PIP4K2A: variants seen among roughly 807,000 people sequenced by gnomAD.
PIP4K2A encodes the protein phosphatidylinositol-5-phosphate 4-kinase type 2 alpha.
A neutral mutation model predicts 42.9 loss-of-function variants in PIP4K2A; 14 were observed. The ratio of observed to expected loss-of-function variants is 0.33; its 90% CI spans 0.22 to 0.51. The LOEUF is 0.51. Ranked by LOEUF, PIP4K2A falls within the 20% of genes least tolerant of loss-of-function variation. PIP4K2A has a pLI of 0.97. For missense variants in PIP4K2A, 434 were observed against 519.8 expected (o/e 0.83, Z 1.61); for synonymous variants, 192 against 192.2 (o/e 1.00, Z 0.01).
In PIP4K2A at chr10:22,681,767, A is replaced by ATT. The variant is rs1839666768; in HGVS notation, c.144+32414_144+32415dup. ...ACTCCTAATTTCAGCTACCAGCAAT[A>ATT]TTTTACTGTAGCAGAAACTGACTAA... On this transcript the variant is annotated intron_variant, in intron 1 of 9. Transcript: ENST00000376573. Among the ~76,000 whole-genome samples, 3 of 152,072 alleles carry ATT rather than the reference A, an allele frequency of 2.0e-5. No individual in the cohort carries two copies. In the South Asian group the frequency reaches 6.2e-4, roughly 31 times the overall value.
At chr10:22,543,247 C>T (rs1836173681) in intron 7 of PIP4K2A, among the ~76,000 whole-genome samples, 1 of 152,196 alleles carries the variant, frequency 6.6e-6, no homozygotes, top group South Asian at 2.1e-4. Context: ...TCCCACTCTC[C>T]AGCTGGTTCC....
intron 1 of PIP4K2A, among the ~76,000 whole-genome samples, chr10:22,652,688 AC>A (rs1360016845): frequency 6.6e-6 from 1 of 152,206 alleles, no homozygotes; most frequent in Non-Finnish European, 1.5e-5. Flanking sequence ...TCATCTTGCA[AC>A]TCAGGTTACA....
intron 1 of PIP4K2A, among the ~76,000 whole-genome samples, chr10:22,621,272 C>G (rs1838325319): frequency 6.6e-6 from 1 of 152,154 alleles, no homozygotes; most frequent in South Asian, 2.1e-4. Context: ...CTGCCACTTG[C>G]AATTGAAGAC....
At chr10:22,605,447 G>A (rs1305983468) in intron 3 of PIP4K2A, among the ~76,000 whole-genome samples, 1 of 151,886 alleles carries the variant, frequency 6.6e-6, no homozygotes, top group African/African-American at 2.4e-5. Flanking sequence ...TTTCTTTGTA[G>A]GGCGAAAAAA....
At chr10:22,642,690 G>C (rs1838805891) in intron 1 of PIP4K2A, among the ~76,000 whole-genome samples, 1 of 151,166 alleles carries the variant, frequency 6.6e-6, no homozygotes, top group Non-Finnish European at 1.5e-5. Context: ...CAAAACGATA[G>C]TTAGAACAGG....
rs1026184490 is a variant in PIP4K2A at position 22,541,962 on chromosome 10, C to G, written c.878G>C (p.Cys293Ser). The stretch of plus-strand genomic sequence containing the variant: ...CTCCTCCTCCCCATCGTTCTCCTCA[C>G]ACTCCACTTCCTCCTGTTCGGCTCT... ...VERAEQEEVE[C>S]EENDGEEEGE... The change falls in exon 8 of 10, where the codon TGT becomes TCT. Residue 293 changes from cysteine to serine, a missense_variant. This residue lies in a region of PIP4K2A where 395 missense variants were observed against 444.5 expected (regional missense o/e 0.89). Transcript: ENST00000376573. 2.5e-6 allele frequency: 4 copies of G among 1,614,056 alleles called. No homozygotes were observed. The African/African-American group carries it at 4.0e-5, about 16-fold the overall frequency.
chr10:22,672,719 G>A (rs75203794), intron 1 of PIP4K2A, among the ~76,000 whole-genome samples: 2,879 of 152,198 alleles, frequency 0.019, 103 homozygotes, highest in African/African-American at 0.066. Context: ...CCAGACAGAC[G>A]CAGAGAAAAA....
At chr10:22,567,966 C>A in intron 5 of PIP4K2A, 77 bp from the exon 6 acceptor site, 1 of 1,324,248 alleles carries the variant, frequency 7.6e-7, no homozygotes. Context: ...GAAAATGGCT[C>A]CAGGCGGAGC....
chr10:22,654,255 T>C (rs1340111954), intron 1 of PIP4K2A, among the ~76,000 whole-genome samples: 1 of 152,238 alleles, frequency 6.6e-6, no homozygotes, highest in Non-Finnish European at 1.5e-5. Flanking sequence ...GTTGAATTAT[T>C]TTATTTCCTC....
intron 1 of PIP4K2A, among the ~76,000 whole-genome samples, chr10:22,651,363 T>C (rs996153817): frequency 1.3e-5 from 2 of 152,232 alleles, no homozygotes; most frequent in Non-Finnish European, 2.9e-5. Flanking sequence ...AAAATCCTTT[T>C]GGTGACCTCA....
intron 7 of PIP4K2A, among the ~76,000 whole-genome samples, chr10:22,550,056 C>T (rs1836365210): frequency 6.6e-6 from 1 of 152,000 alleles, no homozygotes; most frequent in African/African-American, 2.4e-5. Flanking sequence ...GACGAAAGCC[C>T]CTTGGACACT....
At chr10:22,653,966 A>G (rs1839043091) in intron 1 of PIP4K2A, among the ~76,000 whole-genome samples, 1 of 152,220 alleles carries the variant, frequency 6.6e-6, no homozygotes, top group African/African-American at 2.4e-5. Context: ...GTTAATACCA[A>G]GAGAAAACAG....
intron 6 of PIP4K2A, among the ~76,000 whole-genome samples, chr10:22,564,389 C>T: frequency 6.6e-6 from 1 of 152,198 alleles, no homozygotes; most frequent in East Asian, 1.9e-4. Context: ...GAAAAAAATC[C>T]TGCTAGTGGT....
chr10:22,605,254 G>C (rs562135793), intron 3 of PIP4K2A, among the ~76,000 whole-genome samples: 3 of 151,956 alleles, frequency 2.0e-5, no homozygotes, highest in Admixed American at 1.3e-4. Flanking sequence ...GCAGAGCTAA[G>C]GAAAGGAGGA....
intron 4 of PIP4K2A, among the ~76,000 whole-genome samples, chr10:22,585,999 A>G (rs1355264082): frequency 6.6e-6 from 1 of 152,254 alleles, no homozygotes; most frequent in African/African-American, 2.4e-5. Flanking sequence ...TTTAAGATAA[A>G]AAGATATTCA....
chr10:22,588,097 T>C (rs1429479411), intron 4 of PIP4K2A, among the ~76,000 whole-genome samples: 2 of 152,262 alleles, frequency 1.3e-5, no homozygotes, highest in Non-Finnish European at 2.9e-5. Flanking sequence ...ATGTGAGATT[T>C]TGCTGAGATG....
chr10:22,549,340 A>ATTTTCT (rs1001533933), intron 7 of PIP4K2A, among the ~76,000 whole-genome samples: 1 of 150,498 alleles, frequency 6.6e-6, no homozygotes, highest in Non-Finnish European at 1.5e-5. Flanking sequence ...GGCTTTCGTC[A>ATTTTCT]TTTTCTTTTT....
At chr10:22,624,575 G>A (rs186523640) in intron 1 of PIP4K2A, among the ~76,000 whole-genome samples, 6 of 152,230 alleles carry the variant, frequency 3.9e-5, no homozygotes, top group Non-Finnish European at 8.8e-5. Context: ...AAAAAGTTGT[G>A]GAATTTAGGA....
At chr10:22,661,048 A>G (rs78003630) in intron 1 of PIP4K2A, among the ~76,000 whole-genome samples, 23 of 152,352 alleles carry the variant, frequency 1.5e-4, no homozygotes, top group African/African-American at 5.5e-4. Context: ...GAATCTCTCC[A>G]TATTTTCCAC....
Sources: gnomAD v4.1 joint callset for allele counts (sites outside exome capture counted in the v4.1 genomes callset) on GRCh38, gnomAD v4.1.1 for gene constraint, gnomAD v4.1.1 regional missense constraint, MANE v1.5 for transcripts, NCBI Gene and HGNC (gene_info 2026-07-23, HGNC 2026-07-21) for gene names.